NSF: variants seen among roughly 807,000 people sequenced by gnomAD.
The protein encoded by NSF is N-ethylmaleimide sensitive factor, vesicle fusing ATPase, also known as vesicle-fusing ATPase.
NSF carries 14 observed loss-of-function variants against 50.3 expected under a neutral mutation model. That is an observed-to-expected ratio of 0.28 (90% CI 0.18 to 0.44). The LOEUF is 0.44. NSF is among the 20% of genes least tolerant of loss of function. The probability of loss-of-function intolerance (pLI) is 1.00; values close to 1 mark genes in which losing one functional copy is unlikely to be tolerated. For synonymous variants in NSF, 109 were observed against 175.7 expected, an observed-to-expected ratio of 0.62 and a Z score of 3.00; for missense variants, 218 against 504.3, an observed-to-expected ratio of 0.43 and a Z score of 5.44.
chr17:46,622,681 T>G (rs1598646881), intron 1 of NSF, among the ~76,000 whole-genome samples: 3 of 142,064 alleles, frequency 2.1e-5, no homozygotes, highest in Non-Finnish European at 3.0e-5. Flanking sequence ...TGCTGAGGCA[T>G]GAGAATCGCT....
intron 17 of NSF, among the ~76,000 whole-genome samples, chr17:46,733,961 G>A (rs931983252): frequency 9.2e-5 from 14 of 152,298 alleles, no homozygotes; most frequent in Admixed American, 6.5e-4. Flanking sequence ...CCTAAGGTGT[G>A]GACCAATAAG....
At chr17:46,708,929 A>T (rs1235864700) in intron 13 of NSF, among the ~76,000 whole-genome samples, 1 of 146,140 alleles carries the variant, frequency 6.8e-6, no homozygotes, top group Non-Finnish European at 1.5e-5. Context: ...GGTTCAAGTG[A>T]TTCTCCTGCC....
At chr17:46,714,052 A>G (rs1457174387) in intron 15 of NSF, 66 bp downstream of exon 15, 7 of 1,492,326 alleles carry the variant, frequency 4.7e-6, no homozygotes, top group African/African-American at 1.4e-5. Context: ...GCACATATAT[A>G]TGCCTTTGTA....
chr17:46,754,225 T>C (rs1382267849), intron 19 of NSF, among the ~76,000 whole-genome samples: 1 of 151,734 alleles, frequency 6.6e-6, no homozygotes, highest in Non-Finnish European at 1.5e-5. Flanking sequence ...AAAATGTTTC[T>C]TTTGTTAGCT....
At chr17:46,614,376 G>T (rs1425532847) in intron 1 of NSF, among the ~76,000 whole-genome samples, 1 of 91,078 alleles carries the variant, frequency 1.1e-5, no homozygotes, top group Non-Finnish European at 1.8e-5. Context: ...AAAGGATAAT[G>T]ATGGTATTAA....
chr17:46,744,625 A>G (rs1480656422), intron 17 of NSF, among the ~76,000 whole-genome samples: 1 of 152,082 alleles, frequency 6.6e-6, no homozygotes, highest in Non-Finnish European at 1.5e-5. Flanking sequence ...TTTAGGGAAA[A>G]AAAAAAGCTT....
At chr17:46,747,945 A>G (rs2059147326) in intron 17 of NSF, among the ~76,000 whole-genome samples, 1 of 152,176 alleles carries the variant, frequency 6.6e-6, no homozygotes, top group South Asian at 2.1e-4. Flanking sequence ...CCATCTTAGG[A>G]TATGTAGTTT....
intron 17 of NSF, among the ~76,000 whole-genome samples, chr17:46,738,527 G>C (rs899120000): frequency 6.6e-6 from 1 of 152,196 alleles, no homozygotes; most frequent in Middle Eastern, 3.2e-3. Context: ...AACCATAATT[G>C]ATGGGTCAGT....
intron 14 of NSF, 54 bp from the exon 15 acceptor site, chr17:46,713,799 T>A: frequency 6.4e-7 from 1 of 1,572,832 alleles, no homozygotes; most frequent in Non-Finnish European, 8.6e-7. Context: ...CTTGTTTTAT[T>A]TCCCTTTGCT....
intron 20 of NSF, 23 bp from the exon 21 acceptor site, chr17:46,755,779 G>A: frequency 7.5e-7 from 1 of 1,333,670 alleles, no homozygotes; most frequent in Non-Finnish European, 9.9e-7. Flanking sequence ...CTGTTTTTTT[G>A]TGTTTTGGTA....
intron 15 of NSF, among the ~76,000 whole-genome samples, chr17:46,716,784 T>G (rs1183627289): frequency 6.6e-6 from 1 of 152,224 alleles, no homozygotes; most frequent in African/African-American, 2.4e-5. Context: ...TCTTTTCTAC[T>G]CAGACACATG....
rs199687849 is a variant in NSF at position 46,693,081 on chromosome 17, T to C, written c.1111+13T>C. Reference sequence around the variant, plus strand: ...ATCCTAGTCATTGGTATGTTTACTTTTTAAAAAAGTACTATTCATTCAAAA... The same window carrying C: ...ATCCTAGTCATTGGTATGTTTACTTCTTAAAAAAGTACTATTCATTCAAAA... On this transcript the variant is annotated intron_variant, in intron 10 of 20. Coordinates refer to ENST00000398238, the MANE Select transcript of NSF (RefSeq NM_006178.4). 3.2e-3 allele frequency: 5,173 copies of C among 1,604,544 alleles called. 14 individuals carry two copies. The highest frequency in any genetic ancestry group is 4.2e-3 in the Non-Finnish European group (4,934 of 1,177,570).
chr17:46,727,910 A>C (rs1442849950), intron 16 of NSF, among the ~76,000 whole-genome samples: 1 of 152,232 alleles, frequency 6.6e-6, no homozygotes, highest in Non-Finnish European at 1.5e-5. Context: ...TTAGAGTCTC[A>C]GAAAAAGACG....
chr17:46,715,985 G>C (rs1398176929), intron 15 of NSF, among the ~76,000 whole-genome samples: 1 of 152,042 alleles, frequency 6.6e-6, no homozygotes, highest in Non-Finnish European at 1.5e-5. Flanking sequence ...TAGAATTTTT[G>C]GTTTTCCTTG....
At chr17:46,730,672 A>T (rs1315140012) in intron 17 of NSF, among the ~76,000 whole-genome samples, 1 of 152,068 alleles carries the variant, frequency 6.6e-6, no homozygotes, top group African/African-American at 2.4e-5. Context: ...ACAAAAAAAA[A>T]TTTTTCAGTG....
chr17:46,750,856 AG>A (rs2059175675), intron 18 of NSF, among the ~76,000 whole-genome samples: 1 of 151,986 alleles, frequency 6.6e-6, no homozygotes, highest in Non-Finnish European at 1.5e-5. Flanking sequence ...AAAAAAAAAA[AG>A]CTACAGAAGT....
chr17:46,621,317 C>T (rs987548663), intron 1 of NSF, among the ~76,000 whole-genome samples: 5 of 139,780 alleles, frequency 3.6e-5, no homozygotes, highest in Admixed American at 1.5e-4. Context: ...GATAGGGTCT[C>T]GCTCTGTTGC....
At chr17:46,707,246 C>T (rs1346042068) in intron 13 of NSF, among the ~76,000 whole-genome samples, 3 of 152,188 alleles carry the variant, frequency 2.0e-5, no homozygotes, top group Non-Finnish European at 4.4e-5. Flanking sequence ...AGCATTTCTC[C>T]ATATGTTAAT....
intron 17 of NSF, among the ~76,000 whole-genome samples, chr17:46,737,557 C>G (rs1030683315): frequency 1.4e-5 from 2 of 138,538 alleles, no homozygotes; most frequent in Non-Finnish European, 3.1e-5. Flanking sequence ...AATTTGTTCA[C>G]CTAGGGTGTG....
Sources: gnomAD v4.1 joint callset for allele counts (sites outside exome capture counted in the v4.1 genomes callset) on GRCh38, gnomAD v4.1.1 for gene constraint, MANE v1.5 for transcripts, NCBI Gene and HGNC (gene_info 2026-07-23, HGNC 2026-07-21) for gene names.